Variants in PACS1 observed in about 807,000 individuals in gnomAD.
The protein encoded by PACS1 is PACS-1.
A neutral mutation model predicts 115.0 loss-of-function variants in PACS1; 24 were observed. The observed-to-expected ratio is 0.21, with a 90% CI of 0.15 to 0.29. The LOEUF is 0.29. Among genes scored for constraint, PACS1 ranks in the 10% least tolerant of loss-of-function variants. The probability of loss-of-function intolerance (pLI) is 1.00; values close to 1 mark genes in which losing one functional copy is unlikely to be tolerated. For synonymous variants in PACS1, 453 were observed against 504.5 expected (o/e 0.90, Z 1.37); for missense variants, 838 against 1,251.2 (o/e 0.67, Z 4.98).
chr11:66,172,015 A>C (rs1423516406), intron 1 of PACS1, among the ~76,000 whole-genome samples: 1 of 152,208 alleles, frequency 6.6e-6, no homozygotes, highest in Non-Finnish European at 1.5e-5. Flanking sequence ...AAACAATTAA[A>C]GGCCCTAAAA....
At chr11:66,126,060 G>A (rs1332132557) in intron 1 of PACS1, among the ~76,000 whole-genome samples, 1 of 148,000 alleles carries the variant, frequency 6.8e-6, no homozygotes. Context: ...AAAAAAAAAT[G>A]TGGGCAACTC....
At chr11:66,090,023 A>C (rs1857632551) in intron 1 of PACS1, among the ~76,000 whole-genome samples, 1 of 151,216 alleles carries the variant, frequency 6.6e-6, no homozygotes, top group Non-Finnish European at 1.5e-5. Flanking sequence ...AAAAAAAAAA[A>C]AAGAAATGCC....
rs771848742 is a variant in PACS1, at chr11:66,210,403, A to C, written c.486A>C (p.Pro162=). 6.2e-7 allele frequency: 1 copy of C among 1,614,066 alleles called. No homozygotes were observed. The highest frequency in any genetic ancestry group is 1.7e-5 in the Admixed American group (1 of 60,014). Residue 162 remains proline, a synonymous_variant, in exon 3 of 24, where the codon CCA becomes CCC. Transcript: ENST00000320580. ...TTCGCTCCAACGAGATCGTCCTTCC[A>C]GCTAGTGGACTGGTGGAAACAGAGC... ...RILRSNEIVL[P]ASGLVETELQ...
At chr11:66,228,319 C>T (rs1855508083) in intron 11 of PACS1, among the ~76,000 whole-genome samples, 1 of 151,940 alleles carries the variant, frequency 6.6e-6, no homozygotes, top group South Asian at 2.1e-4. Context: ...CACGGTGGGA[C>T]CTGCTGGGAG....
At chr11:66,212,334 A>G (rs1199898010) in intron 4 of PACS1, among the ~76,000 whole-genome samples, 2 of 148,738 alleles carry the variant, frequency 1.3e-5, no homozygotes, top group Admixed American at 6.7e-5. Flanking sequence ...GGGTTTCACC[A>G]TGTTGGCCAG....
At chr11:66,169,566 AT>A (rs59176258) in intron 1 of PACS1, among the ~76,000 whole-genome samples, 1 of 115,280 alleles carries the variant, frequency 8.7e-6, no homozygotes, top group Non-Finnish European at 1.6e-5. Flanking sequence ...CGCCCGGCTA[AT>A]TTTTTTTTTT....
chr11:66,243,020 C>T lies in PACS1; in HGVS notation c.2765C>T (p.Thr922Ile), dbSNP rs1332686488. ...ATCTGCTCAGCCAAGCAGCAGCAGA[C>T]TATGCTGAGAGGTGCGAGGGCAGGC... ...RLICSAKQQQTMLRVSIDGVE... is the reference protein window; with the variant it reads ...RLICSAKQQQIMLRVSIDGVE... The change falls in exon 23 of 24, where the codon ACT becomes ATT. Residue 922 changes from threonine to isoleucine, a missense_variant. Thr to Ile is a moderately conservative substitution (Grantham distance 89). Transcript: ENST00000320580. 1.9e-6 allele frequency: 3 copies of T among 1,613,746 alleles called. No homozygotes were observed. The highest frequency in any genetic ancestry group is 2.5e-6 in the Non-Finnish European group (3 of 1,179,934).
intron 21 of PACS1, among the ~76,000 whole-genome samples, chr11:66,240,223 T>TGGAAGCAGTGATATAGCA (rs1855783932): frequency 6.6e-6 from 1 of 152,090 alleles, no homozygotes. Flanking sequence ...CTGAGACCAC[T>TGGAAGCAGTGATATAGCA]GGAAGCAGTG....
chr11:66,172,258 C>T (rs994270982), intron 1 of PACS1, among the ~76,000 whole-genome samples: 1 of 152,196 alleles, frequency 6.6e-6, no homozygotes, highest in African/African-American at 2.4e-5. Flanking sequence ...GAGCCAGCCT[C>T]CACGGTCTCC....
intron 4 of PACS1, among the ~76,000 whole-genome samples, chr11:66,215,829 G>A (rs944647915): frequency 6.6e-5 from 10 of 151,424 alleles, no homozygotes; most frequent in African/African-American, 2.4e-4. Context: ...GAACCTGGGA[G>A]GCAGAGGTTG....
chr11:66,191,613 A>G (rs563877793), intron 1 of PACS1, among the ~76,000 whole-genome samples: 48 of 152,362 alleles, frequency 3.2e-4, no homozygotes, highest in African/African-American at 1.1e-3. Flanking sequence ...TCTAGGTAAA[A>G]TGATATAGAT....
chr11:66,172,617 C>T (rs1312178497), intron 1 of PACS1, among the ~76,000 whole-genome samples: 1 of 152,202 alleles, frequency 6.6e-6, no homozygotes, highest in East Asian at 1.9e-4. Context: ...GGCAACCTCA[C>T]AAGAGATCCT....
chr11:66,124,160 A>T (rs1432889861), intron 1 of PACS1, among the ~76,000 whole-genome samples: 3 of 152,250 alleles, frequency 2.0e-5, no homozygotes, highest in Admixed American at 6.5e-5. Flanking sequence ...ATGCTGCCAT[A>T]GAACAGGAGT....
intron 1 of PACS1, among the ~76,000 whole-genome samples, chr11:66,088,168 A>G (rs1309387065): frequency 6.7e-6 from 1 of 148,212 alleles, no homozygotes; most frequent in Admixed American, 6.6e-5. Flanking sequence ...TACTCTTTAT[A>G]TTTATTTATT....
At chr11:66,099,857 T>C (rs975799385) in intron 1 of PACS1, among the ~76,000 whole-genome samples, 33 of 151,700 alleles carry the variant, frequency 2.2e-4, no homozygotes, top group Non-Finnish European at 1.6e-4. Context: ...ATATCTGTTT[T>C]TGTTTTTTGA....
chr11:66,229,404 G>A (rs1201099436), intron 11 of PACS1, among the ~76,000 whole-genome samples: 2 of 150,772 alleles, frequency 1.3e-5, no homozygotes, highest in African/African-American at 4.9e-5. Context: ...AATTTAAAAG[G>A]ATGTCAGGAA....
chr11:66,153,766 G>A (rs1448772905), intron 1 of PACS1, among the ~76,000 whole-genome samples: 2 of 152,154 alleles, frequency 1.3e-5, no homozygotes, highest in Non-Finnish European at 2.9e-5. Context: ...GGGTGACAGA[G>A]CGAGACTGTC....
intron 1 of PACS1, among the ~76,000 whole-genome samples, chr11:66,149,884 G>A (rs893367548): frequency 6.6e-6 from 1 of 151,948 alleles, no homozygotes; most frequent in Non-Finnish European, 1.5e-5. Flanking sequence ...TGAGTAGCTG[G>A]GATTACAGGC....
rs1014305380 is a variant in PACS1 at position 66,070,933 on chromosome 11, C to T, written c.356+91C>T. ...CGCCCCAGCGCCCATGGGGTCCCCG[C>T]CCTCCATCTCCCCGACTGTCCCGCG... On this transcript the variant is annotated intron_variant, in intron 1 of 23. Coordinates refer to ENST00000320580, the MANE Select transcript of PACS1 (RefSeq NM_018026.4). This position sits in a 1 kb window ranked among gnomAD's most constrained non-coding sequence, Gnocchi z 5.9. The T allele has an allele frequency of 9.8e-6, 12 of 1,230,290 alleles. No homozygotes were observed. The East Asian group carries it at 3.8e-4, about 39-fold the overall frequency. The allele number at this position is 1,230,290 out of a possible 1,614,324, so 76.2% of individuals were successfully genotyped here. A position where few individuals can be genotyped will look rare whatever the true frequency, so the allele number is the denominator to read the frequency against.
Sources: gnomAD v4.1 joint callset for allele counts (sites outside exome capture counted in the v4.1 genomes callset) on GRCh38, gnomAD v4.1.1 for gene constraint, Gnocchi (gnomAD v3.1) non-coding constraint, MANE v1.5 for transcripts, NCBI Gene and HGNC (gene_info 2026-07-23, HGNC 2026-07-21) for gene names.